Variants in NECAB2 observed in about 807,000 individuals in gnomAD.
NECAB2 encodes N-terminal EF-hand calcium binding protein 2.
A neutral mutation model predicts 51.9 loss-of-function variants in NECAB2; 68 were observed. The observed-to-expected ratio is 1.31, with a 90% CI of 1.08 to 1.60. NECAB2 has a LOEUF of 1.60. Ranked by LOEUF, NECAB2 falls within the 40% of genes most tolerant of loss-of-function variation. The probability of loss-of-function intolerance (pLI) is 0.00; values close to 1 mark genes in which losing one functional copy is unlikely to be tolerated. For synonymous variants in NECAB2, 329 were observed against 203.5 expected (o/e 1.62, Z -5.25); for missense variants, 854 against 490.3 (o/e 1.74, Z -7.00).
At chr16:83,995,357 C>G (rs1023958026) in intron 8 of NECAB2, among the ~76,000 whole-genome samples, 9 of 151,810 alleles carry the variant, frequency 5.9e-5, no homozygotes, top group African/African-American at 2.2e-4. Flanking sequence ...GGGACTTGTC[C>G]TCTCTGAGGC....
At chr16:83,990,694 G>A (rs1199999455) in intron 6 of NECAB2, 64 bp downstream of exon 6, 8 of 1,581,454 alleles carry the variant, frequency 5.1e-6, no homozygotes, top group Non-Finnish European at 6.9e-6. Context: ...GTGCCCACCT[G>A]CTGCTTGGTG....
At chr16:83,996,143 G>T (rs1381601455) in intron 8 of NECAB2, among the ~76,000 whole-genome samples, 4 of 152,222 alleles carry the variant, frequency 2.6e-5, no homozygotes, top group East Asian at 1.9e-4. Context: ...GGCTCTAGGG[G>T]CCCCTGGCTG....
chr16:83,975,700 G>A (rs1393124332), intron 2 of NECAB2, among the ~76,000 whole-genome samples: 1 of 152,152 alleles, frequency 6.6e-6, no homozygotes, highest in African/African-American at 2.4e-5. Flanking sequence ...GGTGGCAGAG[G>A]GCTGAGTGGC....
In NECAB2 at chr16:84,000,784, AGAGGAGGCGTG is replaced by A; in HGVS notation, c.1026_1036del (p.Trp345ProfsTer7). ...TTGTCATCTATGAGTTCTGGGAGAC[AGAGGAGGCGTG>A]GAAGAGGTGAGATGCTGGGTCCCCA... On this transcript the variant is annotated frameshift_variant, in exon 11 of 13. Coordinates refer to ENST00000305202, the MANE Select transcript of NECAB2 (RefSeq NM_019065.3). LOFTEE classifies it high-confidence loss of function. The A allele has an allele frequency of 6.2e-7, 1 of 1,613,700 alleles. No individual in the cohort carries two copies. The highest frequency in any genetic ancestry group is 2.2e-5 in the East Asian group (1 of 44,878).
chr16:83,979,895 A>G (rs1251873388), intron 3 of NECAB2, among the ~76,000 whole-genome samples: 1 of 152,214 alleles, frequency 6.6e-6, no homozygotes, highest in Non-Finnish European at 1.5e-5. Flanking sequence ...TGCCCAAAAC[A>G]GTGTACAAAC....
Position 83,968,592 on chromosome 16 carries a change from G to T in NECAB2, c.-57G>T. On this transcript the variant is annotated 5_prime_UTR_variant, in exon 1 of 13. Transcript: ENST00000305202. ...GCGGGGAGGGGGTCGCGCGGGGGCGGGCCGCAGCTGGGCGGGGGTCGGCGG... is the reference window on the plus strand; with the variant it reads ...GCGGGGAGGGGGTCGCGCGGGGGCGTGCCGCAGCTGGGCGGGGGTCGGCGG... 5 of 968,652 alleles carry T rather than the reference G, an allele frequency of 5.2e-6. No individual in the cohort carries two copies. Among genetic ancestry groups the T allele is most frequent in the Non-Finnish European group, 6.1e-6 (5 of 818,236 alleles). The allele number at this position is 968,652 out of a possible 1,614,324, so 60.0% of individuals were successfully genotyped here. A position where few individuals can be genotyped will look rare whatever the true frequency, so the allele number is the denominator to read the frequency against.
At chr16:83,978,807 C>T (rs181724472) in intron 3 of NECAB2, among the ~76,000 whole-genome samples, 2 of 152,142 alleles carry the variant, frequency 1.3e-5, no homozygotes, top group South Asian at 2.1e-4. Context: ...TGGTTTTGCA[C>T]AGTGGACATG....
At chr16:84,001,979 A>G (rs1329301958) in intron 12 of NECAB2, 63 bp downstream of exon 12, 3 of 1,543,154 alleles carry the variant, frequency 1.9e-6, no homozygotes, top group Non-Finnish European at 2.7e-6. Context: ...AAGAGCCTAG[A>G]GGCTGCCCCA....
chr16:83,992,707 G>C (rs1597217700), intron 6 of NECAB2, among the ~76,000 whole-genome samples: 1 of 152,112 alleles, frequency 6.6e-6, no homozygotes, highest in East Asian at 1.9e-4. Flanking sequence ...CATTTGCGCT[G>C]AATCACCTGG....
chr16:84,000,470 G>C lies in NECAB2; in HGVS notation c.963-254G>C, dbSNP rs537087842. ...TGCACTCCAGCCTGGGCAACAGAGT[G>C]AGACCCTATCTCAAAAGAAAAACTA... is the stretch of plus-strand genomic sequence containing the variant. On this transcript the variant is annotated intron_variant, in intron 10 of 12. Transcript: ENST00000305202. Among the ~76,000 whole-genome samples, 12 of 152,302 alleles carry C rather than the reference G, an allele frequency of 7.9e-5. No individual in the cohort carries two copies. In the South Asian group the frequency reaches 2.3e-3, roughly 29 times the overall value.
At chr16:83,999,385 C>G (rs1394327378) in intron 10 of NECAB2, among the ~76,000 whole-genome samples, 2 of 152,152 alleles carry the variant, frequency 1.3e-5, no homozygotes, top group Admixed American at 6.6e-5. Flanking sequence ...TAGGGCCACC[C>G]CGATGCGCTG....
At chr16:83,998,722 G>C (rs2084758597) in intron 10 of NECAB2, among the ~76,000 whole-genome samples, 1 of 152,202 alleles carries the variant, frequency 6.6e-6, no homozygotes, top group Non-Finnish European at 1.5e-5. Context: ...CCAGAATGTA[G>C]TATTTGCTCA....
chr16:83,980,440 C>T (rs949130528), intron 3 of NECAB2, among the ~76,000 whole-genome samples: 3 of 152,258 alleles, frequency 2.0e-5, no homozygotes, highest in South Asian at 2.1e-4. Flanking sequence ...CCAGGAACTC[C>T]AGGACCCAGC....
chr16:83,999,565 C>T (rs1296376945), intron 10 of NECAB2, among the ~76,000 whole-genome samples: 3 of 152,168 alleles, frequency 2.0e-5, no homozygotes, highest in Non-Finnish European at 2.9e-5. Flanking sequence ...AGGCTGAGCA[C>T]TGTAGCCCCT....
At chr16:83,994,714 C>G (rs1433629860) in intron 8 of NECAB2, 26 bp downstream of exon 8, 5 of 1,612,154 alleles carry the variant, frequency 3.1e-6, no homozygotes, top group African/African-American at 1.3e-5. Context: ...ACCACGGCGT[C>G]TACTCCTTCC....
chr16:83,995,117 C>T (rs188695175), intron 8 of NECAB2, among the ~76,000 whole-genome samples: 1 of 152,310 alleles, frequency 6.6e-6, no homozygotes, highest in African/African-American at 2.4e-5. Flanking sequence ...AGGAAGTGAC[C>T]AGCAGTAGCA....
chr16:83,979,745 T>G (rs2084460509), intron 3 of NECAB2, among the ~76,000 whole-genome samples: 2 of 141,736 alleles, frequency 1.4e-5, no homozygotes, highest in African/African-American at 2.6e-5. Context: ...TGAGAGTACG[T>G]GTGGGTGGGT....
chr16:83,998,170 T>C (rs751280969), intron 9 of NECAB2, 35 bp from the exon 10 acceptor site: 3 of 1,588,922 alleles, frequency 1.9e-6, no homozygotes, highest in Middle Eastern at 1.7e-4. Context: ...AGGCCTGACG[T>C]GGAGCCCCAC....
intron 3 of NECAB2, among the ~76,000 whole-genome samples, chr16:83,980,059 C>T (rs2084465219): frequency 6.6e-6 from 1 of 152,220 alleles, no homozygotes; most frequent in African/African-American, 2.4e-5. Context: ...GCCACAGAAG[C>T]CTTCTGTCCA....
Sources: gnomAD v4.1 joint callset for allele counts (sites outside exome capture counted in the v4.1 genomes callset) on GRCh38, gnomAD v4.1.1 for gene constraint, MANE v1.5 for transcripts, NCBI Gene and HGNC (gene_info 2026-07-23, HGNC 2026-07-21) for gene names.